DENND3: variants seen among roughly 807,000 people sequenced by gnomAD.
The protein encoded by DENND3 is DENN domain-containing protein 3.
Under a neutral mutation model 135.1 loss-of-function variants are expected in DENND3, and 88 were observed. The ratio of observed to expected loss-of-function variants is 0.65; its 90% CI spans 0.55 to 0.78. The LOEUF is 0.78. Among genes scored for constraint, DENND3 ranks in the 30% least tolerant of loss-of-function variants. The pLI is 0.00. For synonymous variants in DENND3, 693 were observed against 712.3 expected, an observed-to-expected ratio of 0.97 and a Z score of 0.43; for missense variants, 1,392 against 1,688.4, an observed-to-expected ratio of 0.82 and a Z score of 3.08.
chr8:141,143,332 T>C (rs1435434042), intron 4 of DENND3, among the ~76,000 whole-genome samples: 1 of 152,254 alleles, frequency 6.6e-6, no homozygotes, highest in African/African-American at 2.4e-5. Context: ...GCAGGTTTGT[T>C]ACGTATGTAT....
chr8:141,168,117 G>A lies in DENND3; in HGVS notation c.1867G>A (p.Glu623Lys), dbSNP rs1821042326. Residue 623 changes from glutamate to lysine, a missense_variant, in exon 13 of 23, where the codon GAG becomes AAG. Coordinates refer to ENST00000519811, the MANE Select transcript of DENND3 (RefSeq NM_001352890.3). The surrounding 1 kb of genome is among the most constrained non-coding windows in gnomAD (Gnocchi z 6.2). ...YHAHFVSMLS[E>K]AMCFLAPDNS... is the part of the protein sequence containing the mutation. ...TGCCCACTTTGTCTCCATGCTGAGCGAGGCCATGTGCTTTCTGGCCCCCGA... is the reference window on the plus strand; with the variant it reads ...TGCCCACTTTGTCTCCATGCTGAGCAAGGCCATGTGCTTTCTGGCCCCCGA... 4 of 1,614,202 alleles carry A rather than the reference G, an allele frequency of 2.5e-6. No individual in the cohort carries two copies. The highest frequency in any genetic ancestry group is 1.7e-4 in the Middle Eastern group (1 of 6,050).
chr8:141,169,988 G>T (rs1198457422), intron 13 of DENND3, among the ~76,000 whole-genome samples: 1 of 152,228 alleles, frequency 6.6e-6, no homozygotes, highest in Non-Finnish European at 1.5e-5. Context: ...TTTGAGATGT[G>T]AGAACCGTCA....
intron 18 of DENND3, among the ~76,000 whole-genome samples, chr8:141,188,014 C>T (rs1022140495): frequency 1.3e-5 from 2 of 150,098 alleles, no homozygotes; most frequent in Non-Finnish European, 3.0e-5. Context: ...TGGGGAAACC[C>T]TATCTCTACT....
intron 10 of DENND3, 45 bp from the exon 11 acceptor site, chr8:141,165,140 TG>T: frequency 2.0e-6 from 3 of 1,497,338 alleles, no homozygotes; most frequent in South Asian, 1.1e-5. Flanking sequence ...AGCAGGGACC[TG>T]GGGAGTCGGC....
intron 15 of DENND3, chr8:141,177,406 A>C (rs1423202984): frequency 6.5e-6 from 1 of 152,750 alleles, no homozygotes; most frequent in East Asian, 1.9e-4. Flanking sequence ...AACTCACAGA[A>C]AGGGAACAGT....
Position 141,194,032 on chromosome 8 carries a change from G to A in DENND3, c.3637-1G>A. Reference sequence around the variant, plus strand: ...TGACCCCTCCCGTTTCTCCCTGGCAGGTCTGGGTGGGCAGCCGAGGGCTGG... The same window carrying A: ...TGACCCCTCCCGTTTCTCCCTGGCAAGTCTGGGTGGGCAGCCGAGGGCTGG... On this transcript the variant is annotated splice_acceptor_variant, in intron 22 of 22. Coordinates refer to ENST00000519811, the MANE Select transcript of DENND3 (RefSeq NM_001352890.3). LOFTEE classifies it high-confidence loss of function. 1 of 1,613,152 alleles carries A rather than the reference G, an allele frequency of 6.2e-7. No individual in the cohort carries two copies. The highest frequency in any genetic ancestry group is 2.2e-5 in the East Asian group (1 of 44,874).
intron 9 of DENND3, 115 bp from the exon 10 acceptor site, chr8:141,163,218 A>G (rs1820358868): frequency 1.8e-6 from 1 of 570,954 alleles, no homozygotes; most frequent in Non-Finnish European, 3.1e-6. Context: ...TTTCTGAAGA[A>G]CATGGCTTTT....
At chr8:141,161,994 A>G (rs1820199645) in intron 9 of DENND3, among the ~76,000 whole-genome samples, 1 of 152,014 alleles carries the variant, frequency 6.6e-6, no homozygotes, top group South Asian at 2.1e-4. Flanking sequence ...TAGTAGAGAC[A>G]GGGCTTCACC....
At chr8:141,165,611 C>A (rs933894638) in intron 11 of DENND3, among the ~76,000 whole-genome samples, 9 of 151,962 alleles carry the variant, frequency 5.9e-5, no homozygotes, top group Non-Finnish European at 1.2e-4. Context: ...ATTACAGGCA[C>A]CCACCATCAT....
At position 141,136,626 on chromosome 8, in the gene DENND3, G is replaced by A. The variant is rs1419930951; in HGVS notation, c.220G>A (p.Gly74Ser). ...CAGTCAAATGGCCGGTGCCAACTGC[G>A]GCACTCTCGGTAAAACCCGGATGCG... is the stretch of plus-strand genomic sequence containing the variant. Reference protein sequence around the residue: ...EDSQMAGANCGTLGKTRMRSL... With the variant: ...EDSQMAGANCSTLGKTRMRSL... Residue 74 changes from glycine to serine, a missense_variant, in exon 2 of 23, where the codon GGC (glycine) becomes AGC (serine). Gly to Ser is a moderately conservative substitution (Grantham distance 56, BLOSUM62 0). Coordinates refer to ENST00000519811, the MANE Select transcript of DENND3 (RefSeq NM_001352890.3). 1.9e-6 allele frequency: 3 copies of A among 1,608,922 alleles called. No individual in the cohort carries two copies. The highest frequency in any genetic ancestry group is 2.5e-6 in the Non-Finnish European group (3 of 1,178,000).
At chr8:141,162,404 G>A (rs1820241412) in intron 9 of DENND3, among the ~76,000 whole-genome samples, 1 of 151,916 alleles carries the variant, frequency 6.6e-6, no homozygotes, top group African/African-American at 2.4e-5. Context: ...AGACCAGCCT[G>A]GGCAACATAG....
In DENND3 at chr8:141,167,744, T is replaced by C. The variant is rs1190135457; in HGVS notation, c.1754-260T>C. Among the ~76,000 whole-genome samples, 1 of 152,164 alleles carries C rather than the reference T, an allele frequency of 6.6e-6. No individual in the cohort carries two copies. The highest frequency in any genetic ancestry group is 6.5e-5 in the Admixed American group (1 of 15,286). On this transcript the variant is annotated intron_variant, in intron 12 of 22. Coordinates refer to ENST00000519811, the MANE Select transcript of DENND3 (RefSeq NM_001352890.3). The surrounding 1 kb of genome is among the most constrained non-coding windows in gnomAD (Gnocchi z 4.1). The stretch of plus-strand genomic sequence containing the variant: ...AAAGCCTCAGTACCCGATACCTCAG[T>C]AGTATTACTAGTTGTAGCAAACCAA...
intron 13 of DENND3, among the ~76,000 whole-genome samples, chr8:141,169,780 G>A (rs943289458): frequency 1.1e-4 from 17 of 152,244 alleles, no homozygotes; most frequent in African/African-American, 4.1e-4. Flanking sequence ...GAGTTTGCAC[G>A]TGCTGTTTTA....
At chr8:141,150,430 C>A in intron 5 of DENND3, 1 of 745,026 alleles carries the variant, frequency 1.3e-6, no homozygotes, top group South Asian at 1.8e-5. Context: ...ATTGTCAAAG[C>A]TATTAAAAGA....
intron 13 of DENND3, among the ~76,000 whole-genome samples, chr8:141,171,236 T>C (rs779365701): frequency 2.0e-5 from 3 of 152,252 alleles, no homozygotes; most frequent in Admixed American, 6.5e-5. Context: ...CAGAGCTCAA[T>C]GTCACCATCT....
intron 13 of DENND3, among the ~76,000 whole-genome samples, chr8:141,173,014 A>AGGTGGAGGT (rs1821837801): frequency 6.7e-6 from 1 of 150,074 alleles, no homozygotes; most frequent in Non-Finnish European, 1.5e-5. Context: ...CCCCAGTCAG[A>AGGTGGAGGT]GGCGGAGGTG....
intron 13 of DENND3, among the ~76,000 whole-genome samples, chr8:141,173,329 A>G (rs1317371761): frequency 6.6e-6 from 1 of 152,180 alleles, no homozygotes; most frequent in African/African-American, 2.4e-5. Context: ...GTGACTAGAA[A>G]ATACCGACGG....
intron 5 of DENND3, among the ~76,000 whole-genome samples, chr8:141,147,880 T>C (rs553688327): frequency 1.8e-3 from 269 of 152,336 alleles, no homozygotes; most frequent in Non-Finnish European, 3.4e-3. Flanking sequence ...AGTCAGTGCC[T>C]GCTGATCTGC....
At chr8:141,190,105 A>AT (rs1192440462) in intron 19 of DENND3, among the ~76,000 whole-genome samples, 179 bp from the exon 20 acceptor site, 4 of 82,214 alleles carry the variant, frequency 4.9e-5, no homozygotes, top group Middle Eastern at 5.8e-3. Context: ...GCATGTTATT[A>AT]TCATGTTTGC....
Sources: allele counts gnomAD v4.1 joint callset (sites outside exome capture counted in the v4.1 genomes callset), GRCh38; gene constraint gnomAD v4.1.1; non-coding constraint Gnocchi (gnomAD v3.1); transcripts MANE v1.5; gene names NCBI Gene and HGNC (gene_info 2026-07-23, HGNC 2026-07-21).